Variants in COL5A2 observed in about 807,000 individuals in gnomAD.
COL5A2 encodes collagen type V alpha 2 chain.
Under a neutral mutation model 208.2 loss-of-function variants are expected in COL5A2, and 23 were observed. The observed-to-expected ratio is 0.11, with a 90% CI of 0.08 to 0.16. The LOEUF is 0.16. Among genes scored for constraint, COL5A2 ranks in the 10% least tolerant of loss-of-function variants. The pLI is 1.00. For missense variants in COL5A2, 1,590 were observed against 1,956.4 expected (o/e 0.81, Z 3.53); for synonymous variants, 625 against 628.5 (o/e 0.99, Z 0.08).
intron 12 of COL5A2, among the ~76,000 whole-genome samples, chr2:189,082,996 G>T (rs1458534548): frequency 6.6e-6 from 1 of 152,136 alleles, no homozygotes; most frequent in African/African-American, 2.4e-5. Flanking sequence ...TAAAAGATAA[G>T]GGAGCATTCA....
the COL5A2 span, among the ~76,000 whole-genome samples, chr2:189,267,460 G>A: frequency 2.0e-4 from 31 of 151,954 alleles, no homozygotes; most frequent in Non-Finnish European, 4.1e-4. Context: ...CAAATGAAAA[G>A]GAACATGCTA....
the COL5A2 span, among the ~76,000 whole-genome samples, chr2:189,409,705 TAATACTGA>T: frequency 1.3e-5 from 2 of 152,198 alleles, no homozygotes; most frequent in Non-Finnish European, 2.9e-5. Context: ...CACCTTTTTA[TAATACTGA>T]ATTTATTTGT....
intron 50 of COL5A2, among the ~76,000 whole-genome samples, chr2:189,040,237 C>T (rs890179093): frequency 3.3e-5 from 5 of 152,038 alleles, no homozygotes; most frequent in Non-Finnish European, 7.3e-5. Flanking sequence ...ATCCTCCCAC[C>T]TTCACCTCCT....
At chr2:189,042,816 T>C (rs1225486735) in intron 48 of COL5A2, 43 bp from the exon 49 acceptor site, 1 of 1,556,126 alleles carries the variant, frequency 6.4e-7, no homozygotes, top group Non-Finnish European at 8.8e-7. Context: ...AATATTTGGA[T>C]CCTGCATTGT....
chr2:189,295,428 C>A, the COL5A2 span, among the ~76,000 whole-genome samples: 2 of 151,980 alleles, frequency 1.3e-5, no homozygotes, highest in Non-Finnish European at 2.9e-5. Flanking sequence ...GCCAACATGG[C>A]GAAACTAAAA....
intron 1 of COL5A2, among the ~76,000 whole-genome samples, chr2:189,191,988 AAT>A (rs1191224019): frequency 2.0e-5 from 3 of 152,154 alleles, no homozygotes. Flanking sequence ...CTCAAGAAGA[AAT>A]GTGGATGAAT....
the COL5A2 span, among the ~76,000 whole-genome samples, chr2:189,411,211 T>C: frequency 6.6e-6 from 1 of 152,178 alleles, no homozygotes; most frequent in African/African-American, 2.4e-5. Flanking sequence ...TGTAAAGTCT[T>C]CTTTATTTTC....
intron 1 of COL5A2, among the ~76,000 whole-genome samples, chr2:189,187,459 C>T (rs972080094): frequency 1.3e-5 from 2 of 152,120 alleles, no homozygotes; most frequent in South Asian, 4.1e-4. Context: ...ATGAAAACAT[C>T]ACGTCTTTTC....
At chr2:189,080,867 C>T (rs1686518220) in intron 13 of COL5A2, 123 bp downstream of exon 13, 11 of 807,192 alleles carry the variant, frequency 1.4e-5, no homozygotes, top group South Asian at 1.3e-4. Context: ...CAGATGAATA[C>T]TGCAACCATA....
chr2:189,084,826 C>A (rs1220682009), intron 11 of COL5A2, among the ~76,000 whole-genome samples: 4 of 152,090 alleles, frequency 2.6e-5, no homozygotes, highest in Non-Finnish European at 5.9e-5. Context: ...GCCATCAGAG[C>A]AACATATTTT....
At chr2:189,347,897 C>T in the COL5A2 span, among the ~76,000 whole-genome samples, 10 of 152,274 alleles carry the variant, frequency 6.6e-5, no homozygotes, top group Non-Finnish European at 1.3e-4. Flanking sequence ...CTTTTCACAT[C>T]CTGTTTTTCC....
chr2:189,099,142 G>T (rs1218418558), intron 4 of COL5A2, among the ~76,000 whole-genome samples: 1 of 152,078 alleles, frequency 6.6e-6, no homozygotes, highest in African/African-American at 2.4e-5. Flanking sequence ...ATAGAGTTAT[G>T]AAGACAAATA....
At chr2:189,267,888 T>A in the COL5A2 span, among the ~76,000 whole-genome samples, 1 of 152,214 alleles carries the variant, frequency 6.6e-6, no homozygotes, top group Non-Finnish European at 1.5e-5. Flanking sequence ...ATATTCTTGT[T>A]GGTTGCATAG....
intron 1 of COL5A2, among the ~76,000 whole-genome samples, chr2:189,209,445 T>C (rs1038959966): frequency 9.2e-5 from 14 of 152,238 alleles, no homozygotes; most frequent in African/African-American, 3.1e-4. Flanking sequence ...GGTACTGTTC[T>C]AAGTTCCATA....
chr2:189,046,118 A>G (rs1425807317), intron 45 of COL5A2, among the ~76,000 whole-genome samples: 2 of 152,118 alleles, frequency 1.3e-5, no homozygotes, highest in African/African-American at 4.8e-5. Context: ...TTCAAGTCTC[A>G]TCCTTTCCCT....
the COL5A2 span, among the ~76,000 whole-genome samples, chr2:189,411,737 ATTTTTT>A: frequency 6.6e-6 from 1 of 152,094 alleles, no homozygotes; most frequent in Non-Finnish European, 1.5e-5. Context: ...ATCTTGTTTG[ATTTTTT>A]TTAAAAAGCA....
chr2:189,049,588 A>T (rs1685741229), intron 43 of COL5A2, 134 bp from the exon 44 acceptor site: 2 of 712,880 alleles, frequency 2.8e-6, no homozygotes, highest in Admixed American at 4.4e-5. Context: ...TACAACACTC[A>T]TGTAATCATA....
the COL5A2 span, among the ~76,000 whole-genome samples, chr2:189,439,252 A>C: frequency 6.6e-6 from 1 of 152,194 alleles, no homozygotes. Flanking sequence ...GTCCAGTAAC[A>C]TACAGATTTT....
chr2:189,068,209 A>G lies in COL5A2; in HGVS notation c.1302+17T>C, dbSNP rs373242099. 8.1e-6 allele frequency: 13 copies of G among 1,613,308 alleles called. No individual in the cohort carries two copies. The highest frequency in any genetic ancestry group is 1.7e-5 in the Admixed American group (1 of 59,984). ...CATGCCCATTTGAGCTTCACATGCCATAAATGCAGTACTCACCGTTGGGCC... is the reference window on the plus strand; with the variant it reads ...CATGCCCATTTGAGCTTCACATGCCGTAAATGCAGTACTCACCGTTGGGCC... On this transcript the variant is annotated intron_variant, in intron 20 of 53. Coordinates refer to ENST00000374866, the MANE Select transcript of COL5A2 (RefSeq NM_000393.5).
Sources: gnomAD v4.1 joint callset for allele counts (sites outside exome capture counted in the v4.1 genomes callset) on GRCh38, gnomAD v4.1.1 for gene constraint, MANE v1.5 for transcripts, NCBI Gene and HGNC (gene_info 2026-07-23, HGNC 2026-07-21) for gene names.